The following SYT1 variants were observed in gnomAD, a reference collection of about 807,000 sequenced individuals.
The protein encoded by SYT1 is synaptotagmin 1.
Under a neutral mutation model 44.8 loss-of-function variants are expected in SYT1, and 8 were observed. The ratio of observed to expected loss-of-function variants is 0.18; its 90% CI spans 0.10 to 0.32. The LOEUF is 0.32. SYT1 is among the 10% of genes least tolerant of loss of function. SYT1 has a pLI of 1.00. For synonymous variants in SYT1, 154 were observed against 188.8 expected (o/e 0.82, Z 1.51); for missense variants, 286 against 509.3 (o/e 0.56, Z 4.22).
chr12:79,162,744 C>T lies in SYT1; in HGVS notation c.-17-54759C>T, dbSNP rs1431001800. Among the ~76,000 whole-genome samples, 5 of 152,076 alleles carry T rather than the reference C, an allele frequency of 3.3e-5. No individual in the cohort carries two copies. The East Asian group carries it at 7.7e-4, about 24-fold the overall frequency. ...TAAATCTTAACTCATCCAATACTTA[C>T]AAAGAAGCAGCAATTTTGTTTTGAA... On this transcript the variant is annotated intron_variant, in intron 3 of 10. Coordinates refer to ENST00000261205, the MANE Select transcript of SYT1 (RefSeq NM_005639.3).
chr12:79,133,978 A>T (rs1869021028), intron 3 of SYT1, among the ~76,000 whole-genome samples: 1 of 152,086 alleles, frequency 6.6e-6, no homozygotes, highest in Admixed American at 6.6e-5. Context: ...ATCAGATTTT[A>T]TCTGTTATTC....
intron 8 of SYT1, among the ~76,000 whole-genome samples, chr12:79,336,805 T>G (rs1311171362): frequency 6.6e-6 from 1 of 152,166 alleles, no homozygotes; most frequent in Non-Finnish European, 1.5e-5. Context: ...AATTATTTAT[T>G]TTTTATTTCA....
chr12:79,007,115 A>G (rs995799452), intron 2 of SYT1, among the ~76,000 whole-genome samples: 5 of 152,276 alleles, frequency 3.3e-5, no homozygotes, highest in Non-Finnish European at 2.9e-5. Context: ...TGCTGCTGAC[A>G]GGCATGACAG....
chr12:79,426,111 C>T (rs1869432989), intron 9 of SYT1, among the ~76,000 whole-genome samples: 1 of 151,752 alleles, frequency 6.6e-6, no homozygotes, highest in African/African-American at 2.4e-5. Flanking sequence ...TTTCTGAAAC[C>T]AGACTTGGAG....
At chr12:79,432,596 C>A (rs993240401) in intron 9 of SYT1, among the ~76,000 whole-genome samples, 51 of 152,102 alleles carry the variant, frequency 3.4e-4, no homozygotes, top group African/African-American at 1.1e-3. Flanking sequence ...GGGAAAGAAA[C>A]TCCCTTAAAA....
intron 3 of SYT1, among the ~76,000 whole-genome samples, chr12:79,067,271 T>C (rs1246021037): frequency 6.6e-6 from 1 of 152,164 alleles, no homozygotes; most frequent in Non-Finnish European, 1.5e-5. Flanking sequence ...TTTTCAAATG[T>C]CCATTGTACA....
chr12:78,909,630 C>CAT (rs1876201883), intron 1 of SYT1, among the ~76,000 whole-genome samples: 1 of 151,876 alleles, frequency 6.6e-6, no homozygotes, highest in Non-Finnish European at 1.5e-5. Context: ...TAGACAGAGA[C>CAT]ATAGATATAG....
chr12:79,311,254 A>C (rs569426170), intron 8 of SYT1, among the ~76,000 whole-genome samples: 20 of 152,326 alleles, frequency 1.3e-4, no homozygotes, highest in African/African-American at 4.6e-4. Flanking sequence ...GCAGCCAAAA[A>C]ACACATGAAA....
intron 7 of SYT1, among the ~76,000 whole-genome samples, chr12:79,296,523 C>A (rs1441084159): frequency 6.6e-6 from 1 of 152,022 alleles, no homozygotes; most frequent in Non-Finnish European, 1.5e-5. Context: ...TGAAATAAAG[C>A]CAAAGGAATG....
At chr12:79,011,892 G>T (rs939155108) in intron 2 of SYT1, among the ~76,000 whole-genome samples, 4 of 152,158 alleles carry the variant, frequency 2.6e-5, no homozygotes, top group Middle Eastern at 3.4e-3. Flanking sequence ...AGCACTTTGC[G>T]GGGCTGAGGC....
chr12:79,274,375 A>G (rs542189899), intron 4 of SYT1, among the ~76,000 whole-genome samples: 92 of 152,286 alleles, frequency 6.0e-4, no homozygotes, highest in African/African-American at 2.1e-3. Flanking sequence ...TGAAGTCTGC[A>G]GGTGTGAGAC....
intron 1 of SYT1, among the ~76,000 whole-genome samples, chr12:78,881,698 T>G (rs1376695297): frequency 1.3e-5 from 2 of 151,380 alleles, no homozygotes; most frequent in African/African-American, 4.8e-5. Flanking sequence ...TAACCTTCGC[T>G]TGGTAATTTT....
intron 4 of SYT1, among the ~76,000 whole-genome samples, chr12:79,279,168 T>TATC (rs1194086550): frequency 7.2e-5 from 11 of 151,884 alleles, no homozygotes; most frequent in African/African-American, 2.7e-4. Flanking sequence ...ACAAAGCCAG[T>TATC]ATCACCCTAA....
At chr12:79,309,238 G>T (rs920434199) in intron 8 of SYT1, among the ~76,000 whole-genome samples, 2 of 152,150 alleles carry the variant, frequency 1.3e-5, no homozygotes, top group African/African-American at 4.8e-5. Flanking sequence ...AGGTTCTTTG[G>T]CCAGGCGCCA....
chr12:79,125,623 A>G (rs1465026813), intron 3 of SYT1, among the ~76,000 whole-genome samples: 3 of 119,266 alleles, frequency 2.5e-5, no homozygotes, highest in South Asian at 2.5e-4. Context: ...CTGTCAAAAA[A>G]AAAAAGAAAA....
At chr12:79,097,908 G>A (rs1258411987) in intron 3 of SYT1, among the ~76,000 whole-genome samples, 1 of 152,032 alleles carries the variant, frequency 6.6e-6, no homozygotes. Context: ...AGCCCATTTC[G>A]GGTGTGTGCA....
rs1388341363 is a variant in SYT1, at chr12:78,921,380, T to A, written c.-217+56271T>A. 2.0e-5 allele frequency among the ~76,000 whole-genome samples: 3 copies of A among 151,836 alleles called. No homozygotes were observed. In the East Asian group the frequency reaches 5.8e-4, roughly 29 times the overall value. Reference sequence around the variant, plus strand: ...GTAACAACTATATATACACTTAGAGTCTCTGGCAGAAAGCAGTCAGTAGAT... The same window carrying A: ...GTAACAACTATATATACACTTAGAGACTCTGGCAGAAAGCAGTCAGTAGAT... On this transcript the variant is annotated intron_variant, in intron 1 of 10. Coordinates refer to ENST00000261205, the MANE Select transcript of SYT1 (RefSeq NM_005639.3).
At chr12:79,434,115 T>G (rs1484527204) in intron 9 of SYT1, among the ~76,000 whole-genome samples, 2 of 152,204 alleles carry the variant, frequency 1.3e-5, no homozygotes, top group African/African-American at 4.8e-5. Flanking sequence ...GCATTTATGT[T>G]TTTTATCTGT....
chr12:79,087,178 T>C (rs1877438382), intron 3 of SYT1, among the ~76,000 whole-genome samples: 1 of 152,140 alleles, frequency 6.6e-6, no homozygotes, highest in South Asian at 2.1e-4. Flanking sequence ...TGCAGAGCAG[T>C]TAATCCATCT....
Sources: allele counts gnomAD v4.1 joint callset (sites outside exome capture counted in the v4.1 genomes callset), GRCh38; gene constraint gnomAD v4.1.1; transcripts MANE v1.5; gene names NCBI Gene and HGNC (gene_info 2026-07-23, HGNC 2026-07-21).